The following GPC5 variants were observed in gnomAD, a reference collection of about 807,000 sequenced individuals.
GPC5 encodes the protein glypican-5.
In GPC5, 47 loss-of-function variants were observed where a neutral mutation model predicts 53.9. That is an observed-to-expected ratio of 0.87 (90% CI 0.69 to 1.11). The LOEUF is 1.11. Among genes scored for constraint, GPC5 ranks in the 50% most tolerant of loss-of-function variants. The pLI, the probability that GPC5 is intolerant of heterozygous loss-of-function variation, is 0.00. For missense variants in GPC5, 748 were observed against 713.1 expected (o/e 1.05, Z -0.56); for synonymous variants, 286 against 263.3 (o/e 1.09, Z -0.84).
intron 4 of GPC5, among the ~76,000 whole-genome samples, chr13:91,749,001 C>G (rs1192370237): frequency 6.6e-6 from 1 of 151,932 alleles, no homozygotes; most frequent in African/African-American, 2.4e-5. Flanking sequence ...GTCGAGCGCT[C>G]TTACGCCATG....
At chr13:91,636,398 ATG>A (rs35642587) in intron 2 of GPC5, among the ~76,000 whole-genome samples, 2,585 of 149,882 alleles carry the variant, frequency 0.017, 67 homozygotes, top group African/African-American at 0.061. Flanking sequence ...TACATACATT[ATG>A]TGTGTGTGTA....
chr13:92,858,142 C>G (rs1466173035), intron 7 of GPC5, among the ~76,000 whole-genome samples: 1 of 152,006 alleles, frequency 6.6e-6, no homozygotes, highest in Non-Finnish European at 1.5e-5. Context: ...GTGTTCCCAC[C>G]CAAATCTCAT....
At chr13:92,011,814 C>T (rs1284069978) in intron 6 of GPC5, among the ~76,000 whole-genome samples, 2 of 152,146 alleles carry the variant, frequency 1.3e-5, no homozygotes, top group East Asian at 1.9e-4. Context: ...TTAGTCTACT[C>T]GATTTTACAA....
At chr13:91,561,703 C>A (rs975946626) in intron 2 of GPC5, among the ~76,000 whole-genome samples, 2 of 152,006 alleles carry the variant, frequency 1.3e-5, no homozygotes, top group Non-Finnish European at 2.9e-5. Context: ...TTAGGTGGAT[C>A]TTTTACAATA....
At position 91,693,132 on chromosome 13, in the gene GPC5, C is replaced by T. The variant is rs1322887621; in HGVS notation, c.326-55C>T. The T allele has an allele frequency of 6.5e-6, 8 of 1,230,344 alleles. No individual in the cohort carries two copies. In the East Asian group the frequency reaches 7.0e-5, roughly 11 times the overall value. The allele number at this position is 1,230,344 out of a possible 1,614,324, so 76.2% of individuals were successfully genotyped here. On this transcript the variant is annotated intron_variant, in intron 2 of 7. Transcript: ENST00000377067. ...TCATTTAATGTCTGGAGCAGATGGA[C>T]GGTGTTAGCATGAATACTAAACCTT...
chr13:92,395,940 T>C (rs1228539932), intron 7 of GPC5, among the ~76,000 whole-genome samples: 2 of 151,522 alleles, frequency 1.3e-5, no homozygotes. Flanking sequence ...CTTTATTAGC[T>C]TCTTTTTGGT....
In GPC5 at chr13:92,628,264, C is replaced by CTTTTTTTTTTTTT. The variant is rs71123419; in HGVS notation, c.1562-238001_1562-237989dup. ...TTTTCTTTTCTTTTTCTTTTTCTTT[C>CTTTTTTTTTTTTT]TTTTTTTTTTTTTTTTTTTTTTTTT... On this transcript the variant is annotated intron_variant, in intron 7 of 7. Transcript: ENST00000377067. Among the ~76,000 whole-genome samples the CTTTTTTTTTTTTT allele has an allele frequency of 8.0e-3, 362 of 45,358 alleles. 53 individuals carry two copies. The highest frequency in any genetic ancestry group is 9.7e-3 in the Non-Finnish European group (224 of 23,134). The allele number at this position is 45,358 out of a possible 152,430, so 29.8% of individuals were successfully genotyped here.
At chr13:92,828,343 TA>T (rs1877924474) in intron 7 of GPC5, among the ~76,000 whole-genome samples, 1 of 152,186 alleles carries the variant, frequency 6.6e-6, no homozygotes, top group Admixed American at 6.5e-5. Context: ...CACTTAGTGT[TA>T]AAACATTTTT....
intron 2 of GPC5, among the ~76,000 whole-genome samples, chr13:91,470,514 G>A (rs982857558): frequency 3.9e-5 from 6 of 152,094 alleles, no homozygotes; most frequent in African/African-American, 1.2e-4. Context: ...TTATGGCATC[G>A]GAGCGCATAT....
At position 91,728,661 on chromosome 13, in the gene GPC5, A is replaced by G. The variant is rs749797479; in HGVS notation, c.1150A>G (p.Arg384Gly). The part of the protein sequence containing the change: ...RNSEETLANR[R>G]KEFINSLRLY... The stretch of plus-strand genomic sequence containing the variant: ...CAGTGAAGAGACGCTTGCCAACAGA[A>G]GAAAGTAAGACATTTGTTTTACAAC... Residue 384 changes from arginine to glycine, a missense_variant, in exon 4 of 8, where the codon AGA becomes GGA. Coordinates refer to ENST00000377067, the MANE Select transcript of GPC5 (RefSeq NM_004466.6). 6 of 1,610,238 alleles carry G rather than the reference A, an allele frequency of 3.7e-6. No homozygotes were observed. The highest frequency in any genetic ancestry group is 4.2e-6 in the Non-Finnish European group (5 of 1,178,054).
chr13:91,832,889 G>T (rs994503650), intron 5 of GPC5, among the ~76,000 whole-genome samples: 7 of 151,968 alleles, frequency 4.6e-5, no homozygotes, highest in African/African-American at 1.4e-4. Context: ...AAATAAATAA[G>T]ATCAGAGCAG....
chr13:91,940,757 A>AT (rs202206795), intron 6 of GPC5, among the ~76,000 whole-genome samples: 3,214 of 152,056 alleles, frequency 0.021, 104 homozygotes, highest in African/African-American at 0.073. Flanking sequence ...GATAATGAGC[A>AT]TTTTTTCATG....
chr13:92,663,598 C>CTA (rs1299158957), intron 7 of GPC5, among the ~76,000 whole-genome samples: 1,553 of 74,782 alleles, frequency 0.021, 24 homozygotes, highest in African/African-American at 0.053. Flanking sequence ...TATATATCTA[C>CTA]TATATATATA....
chr13:91,809,041 A>G (rs756331112), intron 5 of GPC5, among the ~76,000 whole-genome samples: 2 of 152,168 alleles, frequency 1.3e-5, no homozygotes, highest in Admixed American at 6.6e-5. Flanking sequence ...TACACACTGT[A>G]TAACTTGAAG....
Position 92,376,943 on chromosome 13 carries a change from GA to G in GPC5, c.1561+231955del. Among the ~76,000 whole-genome samples, 5 of 152,090 alleles carry G rather than the reference GA, an allele frequency of 3.3e-5. 1 individual carries two copies. The highest frequency in any genetic ancestry group is 3.3e-4 in the Admixed American group (5 of 15,262). ...AGGCAGGAGAGTTGCTTGAACCCAGGAGCGGAGGTTGCAGTGAGCCGACATC... is the reference window on the plus strand; with the variant it reads ...AGGCAGGAGAGTTGCTTGAACCCAGGGCGGAGGTTGCAGTGAGCCGACATC... On this transcript the variant is annotated intron_variant, in intron 7 of 7. Coordinates refer to ENST00000377067, the MANE Select transcript of GPC5 (RefSeq NM_004466.6).
intron 2 of GPC5, among the ~76,000 whole-genome samples, chr13:91,656,644 G>C (rs748586965): frequency 6.6e-6 from 1 of 152,160 alleles, no homozygotes; most frequent in Non-Finnish European, 1.5e-5. Context: ...TGAAGACCCA[G>C]ATAAAAATCT....
chr13:91,586,982 A>G (rs2032621743), intron 2 of GPC5, among the ~76,000 whole-genome samples: 1 of 152,174 alleles, frequency 6.6e-6, no homozygotes, highest in African/African-American at 2.4e-5. Flanking sequence ...TCTTGTATTA[A>G]CAAAAATCAG....
chr13:91,516,689 G>A (rs917511884), intron 2 of GPC5, among the ~76,000 whole-genome samples: 1 of 152,180 alleles, frequency 6.6e-6, no homozygotes, highest in African/African-American at 2.4e-5. Flanking sequence ...TCTGTGTGGG[G>A]GCTCTGACCC....
chr13:91,774,601 G>A (rs2037679517), intron 5 of GPC5, among the ~76,000 whole-genome samples: 1 of 152,044 alleles, frequency 6.6e-6, no homozygotes, highest in African/African-American at 2.4e-5. Flanking sequence ...TTGACCTACA[G>A]CGCACCCATC....
Sources: gnomAD v4.1 joint callset for allele counts (sites outside exome capture counted in the v4.1 genomes callset) on GRCh38, gnomAD v4.1.1 for gene constraint, MANE v1.5 for transcripts, NCBI Gene and HGNC (gene_info 2026-07-23, HGNC 2026-07-21) for gene names.